The following XKR9 variants were observed in gnomAD, a reference collection of about 807,000 sequenced individuals.
XKR9 encodes XK-related protein 9.
A neutral mutation model predicts 32.0 loss-of-function variants in XKR9; 32 were observed. The ratio of observed to expected loss-of-function variants is 1.00; its 90% CI spans 0.76 to 1.34. The LOEUF (loss-of-function observed/expected upper bound fraction) is 1.34, where lower values mean the gene tolerates loss of function less well. Ranked by LOEUF, XKR9 falls within the 40% of genes most tolerant of loss-of-function variation. The pLI is 0.00. For synonymous variants in XKR9, 168 were observed against 143.4 expected, an observed-to-expected ratio of 1.17 and a Z score of -1.22; for missense variants, 546 against 429.7, an observed-to-expected ratio of 1.27 and a Z score of -2.39.
the XKR9 span, among the ~76,000 whole-genome samples, chr8:70,981,572 T>G: frequency 3.3e-5 from 5 of 152,178 alleles, no homozygotes; most frequent in Admixed American, 1.3e-4. Context: ...TTTCTTTAAG[T>G]TGAACTTTAC....
intron 2 of XKR9, among the ~76,000 whole-genome samples, chr8:70,757,587 G>GTATA (rs201595399): frequency 7.1e-6 from 1 of 140,096 alleles, no homozygotes; most frequent in Non-Finnish European, 1.6e-5. Context: ...ATGTATGTAT[G>GTATA]CATGTATTTA....
At chr8:70,699,222 A>C (rs1326063855) in intron 3 of XKR9, among the ~76,000 whole-genome samples, 1 of 152,198 alleles carries the variant, frequency 6.6e-6, no homozygotes, top group Non-Finnish European at 1.5e-5. Context: ...TGATCCTGTC[A>C]TTATGATGTT....
At chr8:70,765,275 G>C (rs1214944399) in intron 2 of XKR9, among the ~76,000 whole-genome samples, 1 of 152,136 alleles carries the variant, frequency 6.6e-6, no homozygotes, top group Non-Finnish European at 1.5e-5. Context: ...AATTTTTAAT[G>C]ATCACTATTC....
intron 2 of XKR9, among the ~76,000 whole-genome samples, chr8:70,753,594 T>A (rs1807173822): frequency 6.6e-6 from 1 of 152,018 alleles, no homozygotes; most frequent in Non-Finnish European, 1.5e-5. Context: ...ATCCCTGGGA[T>A]GCAAGGCTGG....
chr8:70,734,244 TC>T lies in XKR9; in HGVS notation c.944del (p.Pro315GlnfsTer9). 6.2e-7 allele frequency: 1 copy of T among 1,613,114 alleles called. No individual in the cohort carries two copies. The highest frequency in any genetic ancestry group is 8.5e-7 in the Non-Finnish European group (1 of 1,179,424). On this transcript the variant is annotated frameshift_variant, in exon 5 of 5. Transcript: ENST00000408926. LOFTEE classifies it high-confidence loss of function. Reference sequence around the variant, plus strand: ...GGGTTTGCCCCCTCACTATTTTTAATCCAGACTATTTTATACCTATCAGTAT... The same window carrying T: ...GGGTTTGCCCCCTCACTATTTTTAATCAGACTATTTTATACCTATCAGTAT... The part of the protein sequence containing the change: ...FWVCPLTIFN[P>X]DYFIPISITI...
chr8:70,826,207 A>G, the XKR9 span, among the ~76,000 whole-genome samples: 1 of 152,226 alleles, frequency 6.6e-6, no homozygotes, highest in East Asian at 1.9e-4. Flanking sequence ...CTGGGCTTCA[A>G]AAGTTTTGAC....
the XKR9 span, among the ~76,000 whole-genome samples, chr8:70,925,453 A>T: frequency 2.0e-5 from 3 of 152,222 alleles, no homozygotes; most frequent in African/African-American, 7.2e-5. Context: ...GAGATGATAA[A>T]ATCAAACAAT....
At chr8:71,001,511 A>T in the XKR9 span, among the ~76,000 whole-genome samples, 1 of 152,192 alleles carries the variant, frequency 6.6e-6, no homozygotes, top group Non-Finnish European at 1.5e-5. Flanking sequence ...AATCTGCCTC[A>T]GCCTCCCAAA....
At chr8:70,934,657 G>A in the XKR9 span, among the ~76,000 whole-genome samples, 1 of 151,806 alleles carries the variant, frequency 6.6e-6, no homozygotes, top group Non-Finnish European at 1.5e-5. Context: ...ATAACACAGG[G>A]GAAGAGAATT....
At chr8:70,848,001 A>C in the XKR9 span, among the ~76,000 whole-genome samples, 1 of 152,130 alleles carries the variant, frequency 6.6e-6, no homozygotes, top group Non-Finnish European at 1.5e-5. Context: ...AAAACTGGAC[A>C]AGAACACACA....
At chr8:70,891,387 C>T in the XKR9 span, among the ~76,000 whole-genome samples, 12 of 151,702 alleles carry the variant, frequency 7.9e-5, no homozygotes, top group Non-Finnish European at 1.5e-4. Context: ...TGTTAGGTTG[C>T]TTATTTAAAA....
chr8:70,845,397 A>G, the XKR9 span, among the ~76,000 whole-genome samples: 3 of 152,360 alleles, frequency 2.0e-5, no homozygotes, highest in South Asian at 2.1e-4. Flanking sequence ...AGGAAATACA[A>G]CATCTCCAAA....
chr8:70,899,577 G>C, the XKR9 span, among the ~76,000 whole-genome samples: 1 of 151,934 alleles, frequency 6.6e-6, no homozygotes, highest in Non-Finnish European at 1.5e-5. Context: ...CTTTAAGCTT[G>C]GGCTCTCTTT....
At chr8:71,064,388 T>A in the XKR9 span, among the ~76,000 whole-genome samples, 2 of 152,288 alleles carry the variant, frequency 1.3e-5, no homozygotes, top group Non-Finnish European at 2.9e-5. Flanking sequence ...TGAAAATATT[T>A]TATATATTGA....
the XKR9 span, among the ~76,000 whole-genome samples, chr8:70,968,180 A>G: frequency 6.6e-6 from 1 of 152,048 alleles, no homozygotes; most frequent in Non-Finnish European, 1.5e-5. Flanking sequence ...CTTATTTCAG[A>G]AAGATAGTCT....
At chr8:70,984,979 G>A in the XKR9 span, among the ~76,000 whole-genome samples, 16 of 152,162 alleles carry the variant, frequency 1.1e-4, no homozygotes, top group Non-Finnish European at 2.2e-4. Flanking sequence ...CACTTCTCAA[G>A]ATTTCCCAAG....
chr8:70,860,951 T>C, the XKR9 span, among the ~76,000 whole-genome samples: 1 of 152,120 alleles, frequency 6.6e-6, no homozygotes, highest in Non-Finnish European at 1.5e-5. Context: ...CACTAAAAGA[T>C]GTTAGCTATT....
Position 70,707,050 on chromosome 8 carries a change from T to G in XKR9, c.390T>G (p.Asp130Glu). 1 of 1,613,482 alleles carries G rather than the reference T, an allele frequency of 6.2e-7. No individual in the cohort carries two copies. The highest frequency in any genetic ancestry group is 8.5e-7 in the Non-Finnish European group (1 of 1,179,494). The change falls in exon 4 of 5, where the codon GAT becomes GAG. Residue 130 changes from aspartate to glutamate, a missense_variant. Physicochemically the swap from Asp to Glu is conservative, Grantham distance 45 (BLOSUM62 2). Transcript: ENST00000408926. Reference sequence around the variant, plus strand: ...AAGAAGTTATAGATAGAGTGACTGATTTGAGCATGCTCAGACTATTTGAGA... The same window carrying G: ...AAGAAGTTATAGATAGAGTGACTGAGTTGAGCATGCTCAGACTATTTGAGA... ...LHKEVIDRVT[D>E]LSMLRLFETY...
chr8:71,024,358 G>T, the XKR9 span, among the ~76,000 whole-genome samples: 22 of 152,276 alleles, frequency 1.4e-4, no homozygotes, highest in East Asian at 4.2e-3. Flanking sequence ...GGACCAGGGT[G>T]CTGGGGACAC....
Sources: gnomAD v4.1 joint callset for allele counts (sites outside exome capture counted in the v4.1 genomes callset) on GRCh38, gnomAD v4.1.1 for gene constraint, MANE v1.5 for transcripts, NCBI Gene and HGNC (gene_info 2026-07-23, HGNC 2026-07-21) for gene names.